Variants in NKAIN3 observed in about 807,000 individuals in gnomAD.
NKAIN3 encodes the protein sodium/potassium transporting ATPase interacting 3.
A neutral mutation model predicts 30.2 loss-of-function variants in NKAIN3; 25 were observed. That is an observed-to-expected ratio of 0.83 (90% confidence interval 0.60 to 1.16). The LOEUF (loss-of-function observed/expected upper bound fraction) is 1.16. Ranked by LOEUF, NKAIN3 falls within the 50% of genes most tolerant of loss-of-function variation. NKAIN3 has a pLI of 0.00. For missense variants in NKAIN3, 225 were observed against 254.1 expected, an observed-to-expected ratio of 0.89 and a Z score of 0.78; for synonymous variants, 91 against 89.6, an observed-to-expected ratio of 1.02 and a Z score of -0.09.
intron 1 of NKAIN3, among the ~76,000 whole-genome samples, chr8:62,538,906 C>T (rs192574715): frequency 3.0e-3 from 450 of 152,194 alleles, no homozygotes; most frequent in African/African-American, 9.4e-3. Context: ...CCACTTTATC[C>T]CCTTACCTTA....
In NKAIN3 at chr8:62,265,177, A is replaced by T. The variant is rs1199414003; in HGVS notation, c.54+16050A>T. Among the ~76,000 whole-genome samples, 3 of 152,206 alleles carry T rather than the reference A, an allele frequency of 2.0e-5. No homozygotes were observed. The South Asian group carries it at 6.2e-4, about 32-fold the overall frequency. On this transcript the variant is annotated intron_variant, in intron 1 of 6. Transcript: ENST00000623646. The stretch of plus-strand genomic sequence containing the variant: ...TGTCTACTGCCCAAATCATTATTTA[A>T]AACTGCTACCTCGGGCTTGAGAGTA...
At chr8:62,662,059 C>A (rs965291329) in intron 3 of NKAIN3, among the ~76,000 whole-genome samples, 2 of 152,212 alleles carry the variant, frequency 1.3e-5, no homozygotes, top group Non-Finnish European at 2.9e-5. Flanking sequence ...TTCAAGGTCA[C>A]TTAGCCCCCA....
chr8:62,571,479 C>T (rs552156403), intron 1 of NKAIN3, among the ~76,000 whole-genome samples: 2 of 152,092 alleles, frequency 1.3e-5, no homozygotes, highest in East Asian at 1.9e-4. Flanking sequence ...TGCAAGCTGT[C>T]GGTGGATCTA....
chr8:62,637,984 C>T (rs1172781317), intron 3 of NKAIN3, among the ~76,000 whole-genome samples: 1 of 152,160 alleles, frequency 6.6e-6, no homozygotes, highest in African/African-American at 2.4e-5. Context: ...CCAGTTGATT[C>T]ACTATCTCTG....
intron 4 of NKAIN3, among the ~76,000 whole-genome samples, chr8:62,867,921 A>C (rs1820477058): frequency 6.6e-6 from 1 of 152,224 alleles, no homozygotes; most frequent in Non-Finnish European, 1.5e-5. Flanking sequence ...TATATTCACA[A>C]ATACACGCAC....
chr8:62,281,573 T>G (rs950989978), intron 1 of NKAIN3, among the ~76,000 whole-genome samples: 4 of 152,230 alleles, frequency 2.6e-5, no homozygotes, highest in Non-Finnish European at 5.9e-5. Flanking sequence ...TGGTATGTTG[T>G]GTCTTTGTTC....
chr8:62,768,075 C>T (rs1455484319), intron 4 of NKAIN3, among the ~76,000 whole-genome samples: 1 of 152,054 alleles, frequency 6.6e-6, no homozygotes, highest in Non-Finnish European at 1.5e-5. Flanking sequence ...GTGATGCAGC[C>T]TCTGCTTGAA....
downstream of NKAIN3, among the ~76,000 whole-genome samples, chr8:62,987,125 G>A (rs1204887757): frequency 6.6e-6 from 1 of 152,162 alleles, no homozygotes; most frequent in African/African-American, 2.4e-5. Context: ...GGTAGCTCAT[G>A]CCTATAATCC....
At chr8:62,919,481 G>A (rs557408107) in intron 5 of NKAIN3, among the ~76,000 whole-genome samples, 14 of 151,822 alleles carry the variant, frequency 9.2e-5, no homozygotes, top group Middle Eastern at 3.4e-3. Context: ...TCCTGACCTC[G>A]TGATCCACCC....
chr8:62,580,925 T>TAG (rs1554550238), intron 2 of NKAIN3, among the ~76,000 whole-genome samples: 3 of 146,736 alleles, frequency 2.0e-5, no homozygotes, highest in South Asian at 2.1e-4. Flanking sequence ...TATATATATA[T>TAG]AGAAATCCAG....
downstream of NKAIN3, among the ~76,000 whole-genome samples, chr8:62,987,162 G>A (rs1824218385): frequency 6.6e-6 from 1 of 152,132 alleles, no homozygotes; most frequent in Non-Finnish European, 1.5e-5. Context: ...CGAGGTGGCT[G>A]AATCGCTTGA....
chr8:62,857,868 T>C (rs1353144027), intron 4 of NKAIN3, among the ~76,000 whole-genome samples: 1 of 152,216 alleles, frequency 6.6e-6, no homozygotes, highest in Non-Finnish European at 1.5e-5. Context: ...TTAGCCCTGT[T>C]TTAAGCCCTT....
chr8:62,714,318 A>G (rs1228816168), intron 3 of NKAIN3, among the ~76,000 whole-genome samples: 2 of 151,940 alleles, frequency 1.3e-5, no homozygotes, highest in East Asian at 1.9e-4. Context: ...AATAGAGGGG[A>G]CTTCATTGAA....
chr8:62,320,754 T>G lies in NKAIN3; in HGVS notation c.54+71627T>G, dbSNP rs183686277. On this transcript the variant is annotated intron_variant, in intron 1 of 6. Coordinates refer to ENST00000623646, the MANE Select transcript of NKAIN3 (RefSeq NM_001304533.3). ...TGGGTATCCCGACCTTTCTCTCTGT[T>G]TGCCCTTAACATTTTTTCCTTCATT... 1.4e-3 allele frequency among the ~76,000 whole-genome samples: 215 copies of G among 152,292 alleles called. 1 individual carries two copies. The highest frequency in any genetic ancestry group is 4.8e-3 in the African/African-American group (200 of 41,572).
intron 1 of NKAIN3, among the ~76,000 whole-genome samples, chr8:62,544,364 T>C (rs1238854747): frequency 6.6e-6 from 1 of 152,124 alleles, no homozygotes; most frequent in Non-Finnish European, 1.5e-5. Flanking sequence ...AAATTAAACA[T>C]GCTATTTTTA....
At chr8:62,902,022 C>G (rs754795505) in intron 4 of NKAIN3, among the ~76,000 whole-genome samples, 1 of 152,148 alleles carries the variant, frequency 6.6e-6, no homozygotes, top group Non-Finnish European at 1.5e-5. Flanking sequence ...GTCTGTATGC[C>G]CAGAGGGTGG....
chr8:62,964,456 A>C (rs13271240), intron 6 of NKAIN3, among the ~76,000 whole-genome samples: 36,293 of 151,676 alleles, frequency 0.24, 4,747 homozygotes, highest in East Asian at 0.5. Flanking sequence ...AGTGTGGAGA[A>C]AACAGTGATT....
chr8:62,424,201 CTG>C (rs1395299093), intron 1 of NKAIN3, among the ~76,000 whole-genome samples: 1 of 151,936 alleles, frequency 6.6e-6, no homozygotes, highest in Non-Finnish European at 1.5e-5. Context: ...AGACCTGAAA[CTG>C]TAAAACCACT....
chr8:62,351,056 G>C (rs1816163955), intron 1 of NKAIN3, among the ~76,000 whole-genome samples: 1 of 149,546 alleles, frequency 6.7e-6, no homozygotes, highest in African/African-American at 2.5e-5. Context: ...TATAAAAACA[G>C]ATATAAAATT....
Sources: gnomAD v4.1 joint callset for allele counts (sites outside exome capture counted in the v4.1 genomes callset) on GRCh38, gnomAD v4.1.1 for gene constraint, MANE v1.5 for transcripts, NCBI Gene and HGNC (gene_info 2026-07-23, HGNC 2026-07-21) for gene names.